Variants in SLC4A8 observed in about 807,000 individuals in gnomAD.
SLC4A8 encodes the protein solute carrier family 4 member 8, also known as electroneutral sodium bicarbonate exchanger 1.
SLC4A8 carries 40 observed loss-of-function variants against 125.0 expected under a neutral mutation model. The ratio of observed to expected loss-of-function variants is 0.32; its 90% CI spans 0.25 to 0.42. The LOEUF is 0.42. Ranked by LOEUF, SLC4A8 falls within the 10% of genes least tolerant of loss-of-function variation. The pLI is 1.00. For synonymous variants in SLC4A8, 456 were observed against 476.0 expected, an observed-to-expected ratio of 0.96 and a Z score of 0.55; for missense variants, 863 against 1,355.1, an observed-to-expected ratio of 0.64 and a Z score of 5.70.
chr12:51,475,278 C>A (rs937929743), intron 16 of SLC4A8, 72 bp downstream of exon 16: 2 of 1,475,448 alleles, frequency 1.4e-6, no homozygotes, highest in Admixed American at 3.4e-5. Context: ...AGCCTTCATG[C>A]TGCTTATGGG....
At chr12:51,471,568 C>T (rs1950699386) in intron 14 of SLC4A8, 36 bp downstream of exon 14, 2 of 1,597,226 alleles carry the variant, frequency 1.3e-6, no homozygotes, top group Non-Finnish European at 1.7e-6. Flanking sequence ...AAAAATTGAG[C>T]AAAGGGCCTG....
rs1347737043 is a variant in SLC4A8 at position 51,392,594 on chromosome 12, AG to A, written c.-112+1107del. 3.2e-3 allele frequency among the ~76,000 whole-genome samples: 474 copies of A among 150,224 alleles called. 2 individuals carry two copies. Among genetic ancestry groups the A allele is most frequent in the Non-Finnish European group, 5.8e-3 (388 of 67,296 alleles). On this transcript the variant is annotated intron_variant, in intron 1 of 24. Coordinates refer to the SLC4A8 transcript ENST00000358657. The stretch of plus-strand genomic sequence containing the variant: ...ATCAAAAAAAAAAAAAAAGAAAAAA[AG>A]AAAAGAAAAGAAAAGAAATGGGCCC...
Position 51,507,728 on chromosome 12 carries a change from G to C in SLC4A8, c.*290G>C. The C allele has an allele frequency of 3.4e-6, 1 of 297,204 alleles. No individual in the cohort carries two copies. Among genetic ancestry groups the C allele is most frequent in the East Asian group, 5.5e-5 (1 of 18,032 alleles). The allele number at this position is 297,204 out of a possible 1,614,324, so 18.4% of individuals were successfully genotyped here. A position where few individuals can be genotyped will look rare whatever the true frequency, so the allele number is the denominator to read the frequency against. ...TCTCTTTAGAACGGCCACCATTGAA[G>C]ACCTAGCTTCCCATTTTCCAGACGT... On this transcript the variant is annotated 3_prime_UTR_variant, in exon 25 of 25. Transcript: ENST00000453097.
chr12:51,440,948 T>G, intron 2 of SLC4A8, 159 bp downstream of exon 2: 1 of 951,390 alleles, frequency 1.1e-6, no homozygotes, highest in East Asian at 2.9e-5. Flanking sequence ...TAAATAAAAG[T>G]GGGGATACTA....
At chr12:51,497,590 A>G (rs1023628138) in intron 22 of SLC4A8, 1 of 155,922 alleles carries the variant, frequency 6.4e-6, no homozygotes, top group Non-Finnish European at 1.4e-5. Flanking sequence ...TCATCTACAC[A>G]ATGGACCCTC....
intron 10 of SLC4A8, 72 bp from the exon 11 acceptor site, chr12:51,463,542 C>G: frequency 3.4e-6 from 4 of 1,177,882 alleles, no homozygotes; most frequent in African/African-American, 1.5e-5. Flanking sequence ...TTATCCCATT[C>G]CCACTCCCTG....
intron 1 of SLC4A8, among the ~76,000 whole-genome samples, chr12:51,427,758 A>G (rs1375703258): frequency 6.6e-6 from 1 of 152,210 alleles, no homozygotes; most frequent in East Asian, 1.9e-4. Flanking sequence ...AAATATCATA[A>G]GGCTGTGCTG....
chr12:51,395,119 T>G (rs2137908510), intron 1 of SLC4A8, among the ~76,000 whole-genome samples: 1 of 152,292 alleles, frequency 6.6e-6, no homozygotes, highest in East Asian at 1.9e-4. Context: ...AAGTTATATA[T>G]GCACATGGTA....
intron 22 of SLC4A8, among the ~76,000 whole-genome samples, chr12:51,501,502 C>T (rs985392415): frequency 3.3e-5 from 5 of 152,208 alleles, no homozygotes; most frequent in African/African-American, 9.6e-5. Flanking sequence ...CTCTTTGTGG[C>T]TGCGTAGTAT....
Position 51,496,964 on chromosome 12 carries a change from T to C in SLC4A8, c.2944-23T>C, listed in dbSNP as rs564888365. On this transcript the variant is annotated intron_variant, in intron 21 of 24. Coordinates refer to ENST00000453097, the MANE Select transcript of SLC4A8 (RefSeq NM_001039960.3). ...AAGGAAATTAGTCCCTTTAATTCACTTTTTTTTTTAATTTTTCTTCAGGTT... is the reference window on the plus strand; with the variant it reads ...AAGGAAATTAGTCCCTTTAATTCACCTTTTTTTTTAATTTTTCTTCAGGTT... 6 of 1,443,498 alleles carry C rather than the reference T, an allele frequency of 4.2e-6. No individual in the cohort carries two copies. In the African/African-American group the frequency reaches 7.1e-5, roughly 17 times the overall value. The allele number at this position is 1,443,498 out of a possible 1,614,324, so 89.4% of individuals were successfully genotyped here.
At chr12:51,472,717 T>C (rs376368314) in intron 14 of SLC4A8, among the ~76,000 whole-genome samples, 2 of 152,146 alleles carry the variant, frequency 1.3e-5, no homozygotes, top group Non-Finnish European at 2.9e-5. Flanking sequence ...CAGCCCCGGA[T>C]TGAGTAGACT....
At chr12:51,442,627 A>G (rs969286029) in intron 2 of SLC4A8, among the ~76,000 whole-genome samples, 3 of 152,176 alleles carry the variant, frequency 2.0e-5, no homozygotes, top group Non-Finnish European at 2.9e-5. Context: ...GTGTTGGGAG[A>G]TGGTCCTTTG....
At chr12:51,423,511 T>C (rs1251948860), upstream of SLC4A8, among the ~76,000 whole-genome samples, 1 of 152,306 alleles carries the variant, frequency 6.6e-6, no homozygotes, top group Non-Finnish European at 1.5e-5. Context: ...AGGAGGCTTA[T>C]ACAGGACATC....
intron 2 of SLC4A8, among the ~76,000 whole-genome samples, chr12:51,448,566 C>T (rs1220502360): frequency 6.6e-6 from 1 of 152,140 alleles, no homozygotes; most frequent in African/African-American, 2.4e-5. Flanking sequence ...GAGGAGCTTT[C>T]CTTTGGTGGC....
At chr12:51,399,085 A>G (rs1948321588) in intron 1 of SLC4A8, among the ~76,000 whole-genome samples, 1 of 152,112 alleles carries the variant, frequency 6.6e-6, no homozygotes, top group South Asian at 2.1e-4. Context: ...AAAAATCACA[A>G]ATTTCATTAG....
chr12:51,403,068 TA>T, intron 1 of SLC4A8: 1 of 318,114 alleles, frequency 3.1e-6, no homozygotes, highest in Non-Finnish European at 6.7e-6. Flanking sequence ...CATTTTTTTT[TA>T]AAGGACAATT....
At chr12:51,459,699 A>G (rs1950262952) in intron 7 of SLC4A8, among the ~76,000 whole-genome samples, 1 of 152,046 alleles carries the variant, frequency 6.6e-6, no homozygotes, top group East Asian at 1.9e-4. Context: ...GCAAGACCCC[A>G]TCTCTACTAA....
Position 51,483,740 on chromosome 12 carries a change from CT to C in SLC4A8, c.2173-2037del, listed in dbSNP as rs200986889. On this transcript the variant is annotated intron_variant, in intron 16 of 24. Transcript: ENST00000453097. ...TAATGCGAAAATTTTAACAGGGATT[CT>C]TTTTTTTTTAATTATACTTTAAGTT... 6.4e-3 allele frequency among the ~76,000 whole-genome samples: 947 copies of C among 148,314 alleles called. 38 individuals are homozygous for C. Among genetic ancestry groups the C allele is most frequent in the Admixed American group, 0.048 (708 of 14,850 alleles).
chr12:51,417,908 T>A lies in SLC4A8; in HGVS notation c.-111-22800T>A, dbSNP rs552066765. On this transcript the variant is annotated intron_variant, in intron 1 of 24. Transcript: ENST00000358657. ...CTCAGGTGATCTGCCCGCCTTGGCC[T>A]CCCAAAGTGCTGGGATTAGAGGCGT... 5.9e-5 allele frequency among the ~76,000 whole-genome samples: 9 copies of A among 152,350 alleles called. 1 individual carries two copies. Among genetic ancestry groups the A allele is most frequent in the African/African-American group, 2.2e-4 (9 of 41,584 alleles).
Sources: allele counts gnomAD v4.1 joint callset (sites outside exome capture counted in the v4.1 genomes callset), GRCh38; gene constraint gnomAD v4.1.1; transcripts MANE v1.5; gene names NCBI Gene and HGNC (gene_info 2026-07-23, HGNC 2026-07-21).